Variants in LRRC4C observed in about 807,000 individuals in gnomAD.
The protein encoded by LRRC4C is leucine-rich repeat-containing protein 4C.
A neutral mutation model predicts 33.6 loss-of-function variants in LRRC4C; 5 were observed. That is an observed-to-expected ratio of 0.15 (90% CI 0.08 to 0.31). LRRC4C has a LOEUF of 0.31. LRRC4C is among the 10% of genes least tolerant of loss of function. The pLI is 1.00. For synonymous variants in LRRC4C, 329 were observed against 302.0 expected (o/e 1.09, Z -0.93); for missense variants, 560 against 796.7 (o/e 0.70, Z 3.58).
At chr11:40,510,426 GT>G (rs1164766250) in intron 3 of LRRC4C, among the ~76,000 whole-genome samples, 2 of 151,794 alleles carry the variant, frequency 1.3e-5, no homozygotes, top group Admixed American at 6.6e-5. Flanking sequence ...TAAATAAAAT[GT>G]TTATAATAAT....
At chr11:40,891,655 C>T (rs1214967797) in intron 2 of LRRC4C, among the ~76,000 whole-genome samples, 4 of 152,090 alleles carry the variant, frequency 2.6e-5, no homozygotes, top group Non-Finnish European at 5.9e-5. Flanking sequence ...TAAAAATGTG[C>T]TCAACACCAT....
intron 5 of LRRC4C, among the ~76,000 whole-genome samples, chr11:40,145,084 G>A (rs1404528724): frequency 6.6e-6 from 1 of 152,034 alleles, no homozygotes; most frequent in African/African-American, 2.4e-5. Flanking sequence ...CCATTCCATG[G>A]GCATGCATAC....
chr11:40,574,815 A>T (rs1565518869), intron 3 of LRRC4C, among the ~76,000 whole-genome samples: 1 of 152,120 alleles, frequency 6.6e-6, no homozygotes, highest in South Asian at 2.1e-4. Flanking sequence ...TTCTTTCCAC[A>T]TCCTCCTCCC....
chr11:40,674,333 G>A (rs1407964364), intron 2 of LRRC4C, among the ~76,000 whole-genome samples: 2 of 152,194 alleles, frequency 1.3e-5, no homozygotes, highest in Admixed American at 1.3e-4. Flanking sequence ...CTTATATGAA[G>A]TTTGGTAAAC....
chr11:41,358,235 C>T (rs1591344696), intron 1 of LRRC4C, among the ~76,000 whole-genome samples: 1 of 152,234 alleles, frequency 6.6e-6, no homozygotes, highest in Admixed American at 6.5e-5. Flanking sequence ...ATCTTAGACT[C>T]TTTGCAAAAA....
At chr11:40,531,658 C>T (rs1956276800) in intron 3 of LRRC4C, among the ~76,000 whole-genome samples, 1 of 151,974 alleles carries the variant, frequency 6.6e-6, no homozygotes, top group African/African-American at 2.4e-5. Flanking sequence ...TATTGGCAAT[C>T]AGTAAGCCAA....
In LRRC4C at chr11:40,500,293, TACACACACACACACAC is replaced by T. The variant is rs375005241; in HGVS notation, c.-270+147833_-270+147848del. On this transcript the variant is annotated intron_variant, in intron 3 of 6. Transcript: ENST00000528697. Reference sequence around the variant, plus strand: ...TCTGATATATATATATATATATATATACACACACACACACACACACACACACACACACACACACACA... The same window carrying T: ...TCTGATATATATATATATATATATATACACACACACACACACACACACACA... 7.3e-4 allele frequency among the ~76,000 whole-genome samples: 71 copies of T among 96,858 alleles called. 1 individual carries two copies. Among genetic ancestry groups the T allele is most frequent in the African/African-American group, 2.5e-3 (61 of 24,450 alleles). 63.5% of individuals were successfully genotyped at this position (96,858 alleles called of 152,430 possible). A position where few individuals can be genotyped will look rare whatever the true frequency, so the allele number is the denominator to read the frequency against.
At chr11:41,207,920 G>A (rs1424460329) in intron 1 of LRRC4C, among the ~76,000 whole-genome samples, 1 of 152,138 alleles carries the variant, frequency 6.6e-6, no homozygotes, top group African/African-American at 2.4e-5. Flanking sequence ...TGGGTGGGGG[G>A]TAAAAGCTGG....
intron 2 of LRRC4C, among the ~76,000 whole-genome samples, chr11:40,750,003 A>G (rs985767899): frequency 1.1e-4 from 17 of 152,138 alleles, no homozygotes; most frequent in African/African-American, 3.6e-4. Flanking sequence ...AAAGTATTAC[A>G]TCAAAGAAAA....
At chr11:41,363,785 C>T (rs1256207828) in intron 1 of LRRC4C, among the ~76,000 whole-genome samples, 1 of 152,190 alleles carries the variant, frequency 6.6e-6, no homozygotes, top group African/African-American at 2.4e-5. Context: ...CCCCCGCCAA[C>T]AGCAAAACTA....
chr11:40,315,280 G>A (rs1945520746), intron 4 of LRRC4C, among the ~76,000 whole-genome samples: 1 of 151,900 alleles, frequency 6.6e-6, no homozygotes, highest in Non-Finnish European at 1.5e-5. Context: ...GCATGTGTGT[G>A]TGTTTTAGAG....
chr11:40,837,407 C>T (rs1034575262), intron 2 of LRRC4C, among the ~76,000 whole-genome samples: 1 of 152,074 alleles, frequency 6.6e-6, no homozygotes, highest in East Asian at 1.9e-4. Flanking sequence ...GGAGCCCCTT[C>T]TTCCATAGGT....
At chr11:40,585,088 A>G (rs965756052) in intron 3 of LRRC4C, among the ~76,000 whole-genome samples, 1 of 152,194 alleles carries the variant, frequency 6.6e-6, no homozygotes, top group African/African-American at 2.4e-5. Context: ...AGGCAACAAC[A>G]GAACAGGTAT....
chr11:40,646,733 A>G (rs1287296300), intron 3 of LRRC4C, among the ~76,000 whole-genome samples: 1 of 152,058 alleles, frequency 6.6e-6, no homozygotes, highest in African/African-American at 2.4e-5. Context: ...CAGCCTCCCG[A>G]GTAGCTGGGA....
At chr11:41,102,653 T>A (rs1000045349) in intron 1 of LRRC4C, among the ~76,000 whole-genome samples, 7 of 152,020 alleles carry the variant, frequency 4.6e-5, no homozygotes, top group Non-Finnish European at 8.8e-5. Flanking sequence ...AGCTACTATA[T>A]TTGGGTTATT....
At position 40,129,177 on chromosome 11, in the gene LRRC4C, T is replaced by C. The variant is rs1301615622; in HGVS notation, c.-43+11624A>G. Reference sequence around the variant, plus strand: ...AGGCTGTAAACGCACTAAGGACCCATAGGATGTCATACTCACTTATTGATC... The same window carrying C: ...AGGCTGTAAACGCACTAAGGACCCACAGGATGTCATACTCACTTATTGATC... On this transcript the variant is annotated intron_variant, in intron 6 of 6. Coordinates refer to ENST00000528697, the MANE Select transcript of LRRC4C (RefSeq NM_001258419.2). 3.9e-5 allele frequency among the ~76,000 whole-genome samples: 6 copies of C among 152,292 alleles called. No homozygotes were observed. The East Asian group carries it at 9.7e-4, about 24-fold the overall frequency.
intron 1 of LRRC4C, among the ~76,000 whole-genome samples, chr11:41,447,866 T>C (rs1435323070): frequency 2.0e-5 from 3 of 152,206 alleles, no homozygotes; most frequent in African/African-American, 7.2e-5. Flanking sequence ...ACTTGTGTGT[T>C]TGATAATAAT....
chr11:41,215,014 GTATA>G lies in LRRC4C; in HGVS notation c.-496+244413_-496+244416del, dbSNP rs34328057. ...TTCTCAATTTCTATTTTTTATTCAT[GTATA>G]TATATATATATATATATATATCACA... On this transcript the variant is annotated intron_variant, in intron 1 of 6. Coordinates refer to ENST00000528697, the MANE Select transcript of LRRC4C (RefSeq NM_001258419.2). 9.1e-3 allele frequency among the ~76,000 whole-genome samples: 1,191 copies of G among 131,050 alleles called. 14 individuals carry two copies. The highest frequency in any genetic ancestry group is 0.029 in the African/African-American group (1,015 of 34,576). 86.0% of individuals were successfully genotyped at this position (131,050 alleles called of 152,430 possible). A position where few individuals can be genotyped will look rare whatever the true frequency, so the allele number is the denominator to read the frequency against.
At chr11:40,345,741 C>T (rs905471602) in intron 3 of LRRC4C, among the ~76,000 whole-genome samples, 1 of 152,024 alleles carries the variant, frequency 6.6e-6, no homozygotes, top group Admixed American at 6.6e-5. Context: ...GCAAAAGAAA[C>T]TATCAAAAGA....
Sources: allele counts gnomAD v4.1 joint callset (sites outside exome capture counted in the v4.1 genomes callset), GRCh38; gene constraint gnomAD v4.1.1; transcripts MANE v1.5; gene names NCBI Gene and HGNC (gene_info 2026-07-23, HGNC 2026-07-21).